BANK1: variants seen among roughly 807,000 people sequenced by gnomAD.
BANK1 encodes the protein B cell scaffold protein with ankyrin repeats 1.
BANK1 carries 95 observed loss-of-function variants against 94.5 expected under a neutral mutation model. That is an observed-to-expected ratio of 1.00 (90% CI 0.85 to 1.19). BANK1 has a LOEUF of 1.19. BANK1 is among the 50% of genes most tolerant of loss of function. The pLI is 0.00. For missense variants in BANK1, 987 were observed against 932.2 expected, an observed-to-expected ratio of 1.06 and a Z score of -0.77; for synonymous variants, 334 against 308.4, an observed-to-expected ratio of 1.08 and a Z score of -0.87.
At chr4:101,937,892 T>C (rs1451318083) in intron 7 of BANK1, among the ~76,000 whole-genome samples, 2 of 151,872 alleles carry the variant, frequency 1.3e-5, no homozygotes, top group African/African-American at 4.8e-5. Context: ...ATATACACCA[T>C]GGAATACTAT....
chr4:102,061,957 G>C (rs73834599), intron 12 of BANK1: 82 of 152,198 alleles, frequency 5.4e-4, no homozygotes, highest in African/African-American at 1.4e-3. Flanking sequence ...TCTGTCAGAG[G>C]AATCAGTCAG....
intron 2 of BANK1, among the ~76,000 whole-genome samples, chr4:101,845,014 G>A (rs555194236): frequency 7.2e-5 from 11 of 151,994 alleles, no homozygotes; most frequent in South Asian, 2.1e-4. Context: ...GCTGAGGATC[G>A]GATATACTTA....
intron 7 of BANK1, among the ~76,000 whole-genome samples, chr4:102,000,025 A>G (rs1191745709): frequency 6.6e-6 from 1 of 152,160 alleles, no homozygotes; most frequent in African/African-American, 2.4e-5. Context: ...ACACTTTTGA[A>G]AATGAAAGAG....
At chr4:101,898,223 G>A (rs1187975902) in intron 6 of BANK1, among the ~76,000 whole-genome samples, 1 of 151,904 alleles carries the variant, frequency 6.6e-6, no homozygotes. Flanking sequence ...TTGCCTCCTT[G>A]ATCCAATAGT....
chr4:102,035,625 G>C (rs1167843431), intron 10 of BANK1, among the ~76,000 whole-genome samples: 1 of 143,898 alleles, frequency 6.9e-6, no homozygotes, highest in African/African-American at 2.6e-5. Context: ...TCCAGCCTGG[G>C]TGACAGAGCG....
intron 1 of BANK1, among the ~76,000 whole-genome samples, chr4:101,812,763 A>G (rs540029277): frequency 1.3e-5 from 2 of 152,218 alleles, no homozygotes; most frequent in South Asian, 4.1e-4. Context: ...TATTAATCAA[A>G]GCAACCCCAC....
intron 6 of BANK1, among the ~76,000 whole-genome samples, chr4:101,901,433 A>G (rs1722278629): frequency 6.6e-6 from 1 of 152,222 alleles, no homozygotes; most frequent in African/African-American, 2.4e-5. Context: ...TCATTTTCCA[A>G]TGTAGTGAAC....
chr4:102,008,169 C>T (rs902223325), intron 7 of BANK1, among the ~76,000 whole-genome samples: 6 of 152,144 alleles, frequency 3.9e-5, no homozygotes, highest in Non-Finnish European at 7.4e-5. Context: ...AGATTAGAGA[C>T]ATATGAATCC....
At chr4:101,997,136 T>A (rs28807179) in intron 7 of BANK1, among the ~76,000 whole-genome samples, 57,209 of 152,022 alleles carry the variant, frequency 0.38, 11,883 homozygotes, top group South Asian at 0.53. Context: ...GTTTTTACCA[T>A]GAAAGGGTGT....
intron 9 of BANK1, among the ~76,000 whole-genome samples, chr4:102,029,619 T>C (rs533156895): frequency 7.4e-5 from 11 of 148,802 alleles, no homozygotes; most frequent in Admixed American, 7.4e-4. Context: ...ATAATATATA[T>C]ATATTGCTCT....
chr4:101,868,902 G>A (rs1477571181), intron 4 of BANK1, among the ~76,000 whole-genome samples: 1 of 151,816 alleles, frequency 6.6e-6, no homozygotes, highest in Non-Finnish European at 1.5e-5. Context: ...ATATGAGAAT[G>A]TATACAGAAA....
intron 14 of BANK1, 50 bp downstream of exon 14, chr4:102,071,354 A>C (rs757920701): frequency 6.4e-7 from 1 of 1,552,588 alleles, no homozygotes; most frequent in African/African-American, 1.4e-5. Context: ...CAAAGTACAG[A>C]GTAAATCAAT....
chr4:102,007,168 A>ATATATATG (rs1726334905), intron 7 of BANK1, among the ~76,000 whole-genome samples: 3 of 114,728 alleles, frequency 2.6e-5, no homozygotes, highest in Non-Finnish European at 5.6e-5. Context: ...ATATATATAT[A>ATATATATG]TAAAATCCCT....
At chr4:101,813,111 G>T (rs1296165774) in intron 1 of BANK1, among the ~76,000 whole-genome samples, 1 of 151,876 alleles carries the variant, frequency 6.6e-6, no homozygotes, top group African/African-American at 2.4e-5. Flanking sequence ...CATCATATTT[G>T]TATTTATATA....
chr4:102,037,156 T>G (rs1193584000), intron 10 of BANK1, among the ~76,000 whole-genome samples: 3 of 152,156 alleles, frequency 2.0e-5, no homozygotes, highest in Admixed American at 2.0e-4. Context: ...CATAAGACAT[T>G]TGTCAATGTC....
At chr4:101,951,425 A>G (rs530656361) in intron 7 of BANK1, among the ~76,000 whole-genome samples, 89 of 152,254 alleles carry the variant, frequency 5.8e-4, no homozygotes, top group African/African-American at 2.1e-3. Context: ...CTTTAGCCCA[A>G]ACACCAGTTT....
chr4:101,917,099 G>A (rs1262347705), intron 6 of BANK1, among the ~76,000 whole-genome samples: 1 of 151,924 alleles, frequency 6.6e-6, no homozygotes, highest in Admixed American at 6.6e-5. Context: ...TTTCAAAAAA[G>A]CAATGAGATG....
chr4:101,985,313 T>C (rs1323192575), intron 7 of BANK1, among the ~76,000 whole-genome samples: 1 of 152,156 alleles, frequency 6.6e-6, no homozygotes, highest in Non-Finnish European at 1.5e-5. Flanking sequence ...GGAGGGTAAT[T>C]TGCTTTACTC....
At chr4:101,965,188 ATTTGAAATCCCTCTACCT>A (rs1724710559) in intron 7 of BANK1, among the ~76,000 whole-genome samples, 1 of 151,954 alleles carries the variant, frequency 6.6e-6, no homozygotes, top group South Asian at 2.1e-4. Context: ...TATGTCTAAT[ATTTGAAATCCCTCTACCT>A]TTTGATCTGC....
Sources: allele counts gnomAD v4.1 joint callset (sites outside exome capture counted in the v4.1 genomes callset), GRCh38; gene constraint gnomAD v4.1.1; transcripts MANE v1.5; gene names NCBI Gene and HGNC (gene_info 2026-07-23, HGNC 2026-07-21).